The following PCDH7 variants were observed in gnomAD, a reference collection of about 807,000 sequenced individuals.
PCDH7 encodes the protein protocadherin 7.
PCDH7 carries 17 observed loss-of-function variants against 58.9 expected under a neutral mutation model. The observed-to-expected ratio is 0.29, with a 90% CI of 0.20 to 0.43. PCDH7 has a LOEUF of 0.43. Among genes scored for constraint, PCDH7 ranks in the 20% least tolerant of loss-of-function variants. PCDH7 has a pLI of 1.00. For synonymous variants in PCDH7, 664 were observed against 616.4 expected, an observed-to-expected ratio of 1.08 and a Z score of -1.14; for missense variants, 1,274 against 1,441.0, an observed-to-expected ratio of 0.88 and a Z score of 1.88.
At chr4:30,733,613 G>T (rs1715832535), downstream of PCDH7, among the ~76,000 whole-genome samples, 1 of 152,044 alleles carries the variant, frequency 6.6e-6, no homozygotes, top group Non-Finnish European at 1.5e-5. Flanking sequence ...GTTTATATTT[G>T]TATCATGCTT....
chr4:30,882,821 T>A (rs1737161467), intron 1 of PCDH7, among the ~76,000 whole-genome samples: 2 of 152,256 alleles, frequency 1.3e-5, no homozygotes, highest in African/African-American at 4.8e-5. Context: ...TAGTAGTATA[T>A]GCTTCTTATA....
At chr4:30,927,447 G>A (rs1175633139) in intron 2 of PCDH7, among the ~76,000 whole-genome samples, 2 of 151,542 alleles carry the variant, frequency 1.3e-5, no homozygotes, top group African/African-American at 2.4e-5. Context: ...TTGAGAAATC[G>A]GATGGTTGCT....
chr4:31,107,137 T>C (rs1715670599), intron 3 of PCDH7, among the ~76,000 whole-genome samples: 1 of 152,172 alleles, frequency 6.6e-6, no homozygotes, highest in African/African-American at 2.4e-5. Flanking sequence ...TTCTACAATC[T>C]TCATGGGCAC....
chr4:30,950,801 G>A (rs1005151346), intron 3 of PCDH7, among the ~76,000 whole-genome samples: 2 of 152,118 alleles, frequency 1.3e-5, no homozygotes. Context: ...TCAGCTGGTG[G>A]CATTTGAGGG....
chr4:31,085,739 T>C (rs187684029), intron 3 of PCDH7, among the ~76,000 whole-genome samples: 19 of 152,292 alleles, frequency 1.2e-4, no homozygotes, highest in African/African-American at 3.4e-4. Context: ...TGGCAATTGA[T>C]TAACAAGTGT....
intron 2 of PCDH7, among the ~76,000 whole-genome samples, chr4:30,921,770 G>A (rs1401079778): frequency 6.6e-6 from 1 of 151,574 alleles, no homozygotes; most frequent in East Asian, 1.9e-4. Flanking sequence ...TATAATTTTG[G>A]TATGAATTGC....
intron 1 of PCDH7, among the ~76,000 whole-genome samples, chr4:30,727,998 T>A (rs1449035226): frequency 6.6e-6 from 1 of 151,788 alleles, no homozygotes; most frequent in Non-Finnish European, 1.5e-5. Context: ...AGAGCTTAGT[T>A]TGAATAAACA....
downstream of PCDH7, chr4:31,144,468 CAG>C (rs1162563977): frequency 3.3e-5 from 5 of 152,144 alleles, no homozygotes; most frequent in East Asian, 9.6e-4. Flanking sequence ...AATCCATGGA[CAG>C]AATAGGGAAT....
At chr4:30,750,010 A>G (rs1188698730) in intron 1 of PCDH7, among the ~76,000 whole-genome samples, 1 of 152,194 alleles carries the variant, frequency 6.6e-6, no homozygotes, top group Non-Finnish European at 1.5e-5. Flanking sequence ...AAGTTTCTAT[A>G]CAAAAGGTAT....
At chr4:31,123,869 C>T (rs1350985445) in intron 3 of PCDH7, among the ~76,000 whole-genome samples, 1 of 152,100 alleles carries the variant, frequency 6.6e-6, no homozygotes, top group Non-Finnish European at 1.5e-5. Flanking sequence ...ACAAACTCCT[C>T]TCCAACCGTC....
intron 1 of PCDH7, among the ~76,000 whole-genome samples, chr4:30,824,119 CTTTCTT>C (rs2109324175): frequency 6.9e-6 from 1 of 144,370 alleles, no homozygotes; most frequent in Non-Finnish European, 1.5e-5. Flanking sequence ...TTCTTTCTTT[CTTTCTT>C]TCTTTCTTTC....
chr4:31,104,504 T>A (rs772740965), intron 3 of PCDH7, among the ~76,000 whole-genome samples: 1 of 152,226 alleles, frequency 6.6e-6, no homozygotes, highest in Non-Finnish European at 1.5e-5. Flanking sequence ...CTTGCCAGAA[T>A]GTTATCATTT....
chr4:30,760,950 A>G (rs116312211), intron 1 of PCDH7, among the ~76,000 whole-genome samples: 2,017 of 152,268 alleles, frequency 0.013, 36 homozygotes, highest in African/African-American at 0.046. Flanking sequence ...AGAAAGACCC[A>G]CAAGCTTCCA....
intron 3 of PCDH7, among the ~76,000 whole-genome samples, chr4:31,007,135 A>G (rs1752830608): frequency 6.6e-6 from 1 of 152,206 alleles, no homozygotes. Flanking sequence ...GATGGTTTGG[A>G]CAAAATGACT....
chr4:30,976,545 C>T (rs1018917280), intron 3 of PCDH7, among the ~76,000 whole-genome samples: 4 of 151,150 alleles, frequency 2.6e-5, no homozygotes, highest in East Asian at 2.0e-4. Context: ...GGATTACAGG[C>T]GCCTGCCACC....
At chr4:30,851,624 A>G (rs1732759340) in intron 1 of PCDH7, among the ~76,000 whole-genome samples, 2 of 152,060 alleles carry the variant, frequency 1.3e-5, no homozygotes, top group South Asian at 2.1e-4. Context: ...CCAAAATTAG[A>G]TCATGTATGT....
intron 1 of PCDH7, among the ~76,000 whole-genome samples, chr4:30,820,374 A>T (rs1728232040): frequency 6.6e-6 from 1 of 152,148 alleles, no homozygotes; most frequent in South Asian, 2.1e-4. Context: ...AATATGTAGG[A>T]AGTGACACAT....
intron 1 of PCDH7, among the ~76,000 whole-genome samples, chr4:30,804,989 A>T (rs1191340332): frequency 6.6e-6 from 1 of 152,192 alleles, no homozygotes; most frequent in African/African-American, 2.4e-5. Flanking sequence ...TATTAAGGGC[A>T]CAAGGTCTCT....
At chr4:30,748,391 G>GTTACTTTGAGCTCTACACTT (rs1718049705) in intron 1 of PCDH7, among the ~76,000 whole-genome samples, 1 of 152,152 alleles carries the variant, frequency 6.6e-6, no homozygotes, top group Admixed American at 6.5e-5. Flanking sequence ...TTGGCTCACA[G>GTTACTTTGAGCTCTACACTT]TTCTGGTGGC....
Sources: gnomAD v4.1 joint callset for allele counts (sites outside exome capture counted in the v4.1 genomes callset) on GRCh38, gnomAD v4.1.1 for gene constraint, MANE v1.5 for transcripts, NCBI Gene and HGNC (gene_info 2026-07-23, HGNC 2026-07-21) for gene names.